The following RAD17 variants were observed in gnomAD, a reference collection of about 807,000 sequenced individuals.
The protein encoded by RAD17 is cell cycle checkpoint protein RAD17.
Under a neutral mutation model 81.5 loss-of-function variants are expected in RAD17, and 31 were observed. The ratio of observed to expected loss-of-function variants is 0.38; its 90% confidence interval spans 0.29 to 0.51. RAD17 has a LOEUF of 0.51. Among genes scored for constraint, RAD17 ranks in the 20% least tolerant of loss-of-function variants. The pLI is 0.88. For missense variants in RAD17, 681 were observed against 781.2 expected, an observed-to-expected ratio of 0.87 and a Z score of 1.53; for synonymous variants, 261 against 266.2, an observed-to-expected ratio of 0.98 and a Z score of 0.19.
At chr5:69,371,291 A>G (rs936848297) in intron 2 of RAD17, 120 bp downstream of exon 2, 2 of 495,676 alleles carry the variant, frequency 4.0e-6, no homozygotes, top group Non-Finnish European at 7.4e-6. Context: ...CATTAAAATT[A>G]TTTTAGAATT....
At chr5:69,402,789 C>T (rs929721204) in intron 17 of RAD17, among the ~76,000 whole-genome samples, 1 of 152,062 alleles carries the variant, frequency 6.6e-6, no homozygotes, top group Admixed American at 6.6e-5. Context: ...TCTTTATAAG[C>T]ATGCACATAT....
At chr5:69,411,678 C>T (rs889310607) in intron 18 of RAD17, among the ~76,000 whole-genome samples, 2 of 152,186 alleles carry the variant, frequency 1.3e-5, no homozygotes, top group African/African-American at 4.8e-5. Context: ...CTTGAAGCAT[C>T]GTCCCACTGG....
At chr5:69,383,386 A>C (rs1561246934) in intron 7 of RAD17, among the ~76,000 whole-genome samples, 1 of 150,072 alleles carries the variant, frequency 6.7e-6, no homozygotes, top group Non-Finnish European at 1.5e-5. Flanking sequence ...TATTACTATT[A>C]TTATTATTTT....
chr5:69,383,479 A>G (rs921356036), intron 7 of RAD17, among the ~76,000 whole-genome samples: 2 of 151,882 alleles, frequency 1.3e-5, no homozygotes, highest in African/African-American at 2.4e-5. Flanking sequence ...CCTGGGTTCA[A>G]GCAATTCTCC....
At chr5:69,400,904 A>G (rs1209993052) in intron 17 of RAD17, among the ~76,000 whole-genome samples, 1 of 151,466 alleles carries the variant, frequency 6.6e-6, no homozygotes, top group East Asian at 1.9e-4. Context: ...CCTGCACTCC[A>G]GGCTGGGTGA....
intron 8 of RAD17, among the ~76,000 whole-genome samples, chr5:69,385,165 T>C (rs576667112): frequency 9.9e-5 from 15 of 151,994 alleles, no homozygotes; most frequent in Non-Finnish European, 2.1e-4. Flanking sequence ...TTTCACTGTG[T>C]TAGCCAGGAT....
rs1230158948 is a variant in RAD17 at position 69,410,986 on chromosome 5, TATATATATATAC to T, written c.1751+437_1751+448del. ...CTGTCTATATATATATATATATATA[TATATATATATAC>T]TGTTCATTTTATTGGAAAGTAGCTT... On this transcript the variant is annotated intron_variant, in intron 18 of 18. Transcript: ENST00000354868. 6.2e-5 allele frequency among the ~76,000 whole-genome samples: 9 copies of T among 144,534 alleles called. 1 individual carries two copies. The South Asian group carries it at 6.5e-4, about 10-fold the overall frequency. The allele number at this position is 144,534 out of a possible 152,430, so 94.8% of individuals were successfully genotyped here.
intron 13 of RAD17, chr5:69,392,774 A>G (rs1235408754): frequency 2.2e-6 from 1 of 448,926 alleles, no homozygotes; most frequent in East Asian, 7.0e-5. Context: ...GCATTAGTGA[A>G]TGGAATTCGT....
chr5:69,393,351 T>C lies in RAD17; in HGVS notation c.1276-3T>C. 6.3e-7 allele frequency: 1 copy of C among 1,586,428 alleles called. No homozygotes were observed. Among genetic ancestry groups the C allele is most frequent in the Non-Finnish European group, 8.6e-7 (1 of 1,165,208 alleles). On this transcript the variant is annotated splice_region_variant and splice_polypyrimidine_tract_variant and intron_variant, in intron 14 of 18. Coordinates refer to ENST00000354868, the MANE Select transcript of RAD17 (RefSeq NM_133338.3). ...ATTTATGTATATATGCTTCTTTTTA[T>C]AGGAGGTAGTAGAAATGTCACACAT...
At position 69,374,624 on chromosome 5, in the gene RAD17, G is replaced by A. The variant is rs769645491; in HGVS notation, c.268-4G>A. ...TTGTTTTAAATTTGAAATTTTTGTT[G>A]TAGCATGAACTTGCTGTGCATAAAA... is the stretch of plus-strand genomic sequence containing the variant. On this transcript the variant is annotated splice_polypyrimidine_tract_variant and splice_region_variant and intron_variant, in intron 5 of 18. Coordinates refer to ENST00000354868, the MANE Select transcript of RAD17 (RefSeq NM_133338.3). The A allele has an allele frequency of 1.3e-6, 2 of 1,596,732 alleles. No homozygotes were observed. Among genetic ancestry groups the A allele is most frequent in the Non-Finnish European group, 1.7e-6 (2 of 1,174,830 alleles).
At chr5:69,374,815 T>A in intron 6 of RAD17, 104 bp downstream of exon 6, 3 of 1,002,092 alleles carry the variant, frequency 3.0e-6, no homozygotes, top group Non-Finnish European at 4.4e-6. Flanking sequence ...TCAAAATAAG[T>A]CTAGATCTCC....
intron 9 of RAD17, 26 bp downstream of exon 9, chr5:69,386,121 A>C (rs757271883): frequency 6.2e-7 from 1 of 1,601,272 alleles, no homozygotes; most frequent in Non-Finnish European, 8.5e-7. Flanking sequence ...GTATTCTAAA[A>C]CTCCAAATTA....
In RAD17 at chr5:69,371,488, C is replaced by G. The variant is rs367841182; in HGVS notation, c.-245C>G. The G allele has an allele frequency of 3.8e-4, 423 of 1,119,874 alleles. 1 individual carries two copies. Among genetic ancestry groups the G allele is most frequent in the Non-Finnish European group, 4.6e-4 (389 of 851,212 alleles). 69.4% of individuals were successfully genotyped at this position (1,119,874 alleles called of 1,614,324 possible). A position where few individuals can be genotyped will look rare whatever the true frequency, so the allele number is the denominator to read the frequency against. On this transcript the variant is annotated 5_prime_UTR_variant, in exon 3 of 19. Transcript: ENST00000354868. ...AGTTTAATGTACTGCAAGTCCTAAA[C>G]TACGGATGGGAACTATTACAGTTTA...
At chr5:69,375,084 C>G (rs755042696) in intron 6 of RAD17, among the ~76,000 whole-genome samples, 3 of 152,136 alleles carry the variant, frequency 2.0e-5, no homozygotes, top group Non-Finnish European at 4.4e-5. Flanking sequence ...CTAGTACACT[C>G]TAGCCTGGGC....
intron 6 of RAD17, among the ~76,000 whole-genome samples, chr5:69,379,022 A>G (rs965899400): frequency 6.6e-6 from 1 of 152,196 alleles, no homozygotes; most frequent in African/African-American, 2.4e-5. Context: ...TGGGTGGATT[A>G]CCTGATGTCA....
In RAD17 at chr5:69,371,080, G is replaced by A; in HGVS notation, c.-371G>A. 1 of 415,992 alleles carries A rather than the reference G, an allele frequency of 2.4e-6. No homozygotes were observed. The allele number at this position is 415,992 out of a possible 1,614,324, so 25.8% of individuals were successfully genotyped here. Reference sequence around the variant, plus strand: ...TACTTTTTTGGGAAATACTGGAAATGAAGACCTGCAACTGTAATTTGAAAT... The same window carrying A: ...TACTTTTTTGGGAAATACTGGAAATAAAGACCTGCAACTGTAATTTGAAAT... On this transcript the variant is annotated 5_prime_UTR_variant, in exon 2 of 19. The change abolishes an upstream ATG in the 5' untranslated region. Coordinates refer to ENST00000354868, the MANE Select transcript of RAD17 (RefSeq NM_133338.3).
In RAD17 at chr5:69,373,976, G is replaced by A. The variant is rs201379776; in HGVS notation, c.156G>A (p.Ala52=). The A allele has an allele frequency of 7.4e-6, 12 of 1,613,212 alleles. No individual in the cohort carries two copies. In the East Asian group the frequency reaches 8.9e-5, roughly 12 times the overall value. ...PSTLESSRFP[A]RKRGNLSSLE... ...CATTAGAAAGCAGCAGATTTCCAGC[G>A]AGAAAAAGAGGAAATCTATCTTCCT... The change falls in exon 5 of 19, where the codon GCG becomes GCA. Residue 52 remains alanine, a synonymous_variant. Coordinates refer to ENST00000354868, the MANE Select transcript of RAD17 (RefSeq NM_133338.3).
chr5:69,394,456 C>T (rs563495446), intron 15 of RAD17, among the ~76,000 whole-genome samples: 1 of 152,272 alleles, frequency 6.6e-6, no homozygotes, highest in South Asian at 2.1e-4. Flanking sequence ...CATGTTGCTA[C>T]ACTTTCTGCT....
intron 5 of RAD17, 52 bp from the exon 6 acceptor site, chr5:69,374,576 A>G: frequency 7.1e-7 from 1 of 1,404,332 alleles, no homozygotes; most frequent in Admixed American, 1.9e-5. Context: ...CTGATGTACC[A>G]AAAAATCTTC....
Sources: gnomAD v4.1 joint callset for allele counts (sites outside exome capture counted in the v4.1 genomes callset) on GRCh38, gnomAD v4.1.1 for gene constraint, MANE v1.5 for transcripts, NCBI Gene and HGNC (gene_info 2026-07-23, HGNC 2026-07-21) for gene names.